SLMAP: variants seen among roughly 807,000 people sequenced by gnomAD.
The protein encoded by SLMAP is sarcolemma associated protein.
A neutral mutation model predicts 128.8 loss-of-function variants in SLMAP; 44 were observed. That is an observed-to-expected ratio of 0.34 (90% confidence interval 0.27 to 0.44). The LOEUF (loss-of-function observed/expected upper bound fraction) is 0.44. Among genes scored for constraint, SLMAP ranks in the 20% least tolerant of loss-of-function variants. The probability of loss-of-function intolerance (pLI) is 1.00; values close to 1 mark genes in which losing one functional copy is unlikely to be tolerated. For synonymous variants in SLMAP, 327 were observed against 348.8 expected (o/e 0.94, Z 0.70); for missense variants, 787 against 985.3 (o/e 0.80, Z 2.69).
At chr3:57,880,454 C>A (rs149232129) in intron 14 of SLMAP, among the ~76,000 whole-genome samples, 99 of 152,226 alleles carry the variant, frequency 6.5e-4, no homozygotes, top group Non-Finnish European at 7.1e-4. Flanking sequence ...CCGCCCGCCT[C>A]AGCCTCCCAA....
chr3:57,911,521 A>T (rs1254034063), intron 19 of SLMAP, among the ~76,000 whole-genome samples: 2 of 152,208 alleles, frequency 1.3e-5, no homozygotes, highest in African/African-American at 2.4e-5. Context: ...AGGTATTTTT[A>T]AAAATCTATA....
intron 3 of SLMAP, among the ~76,000 whole-genome samples, chr3:57,838,279 T>G (rs969336311): frequency 6.6e-6 from 1 of 152,228 alleles, no homozygotes; most frequent in Non-Finnish European, 1.5e-5. Flanking sequence ...AGCCATCCTC[T>G]AGAAACTCAT....
intron 23 of SLMAP, among the ~76,000 whole-genome samples, chr3:57,924,461 C>T (rs996540533): frequency 3.3e-5 from 5 of 151,922 alleles, no homozygotes; most frequent in African/African-American, 1.2e-4. Flanking sequence ...ATCCACCTCC[C>T]GGGTTCAAGC....
intron 4 of SLMAP, among the ~76,000 whole-genome samples, chr3:57,845,598 T>C (rs1042999133): frequency 1.3e-5 from 2 of 152,140 alleles, no homozygotes; most frequent in Admixed American, 6.5e-5. Flanking sequence ...GTGGAGTGAT[T>C]AGCAGCTGGT....
rs114335735 is a variant in SLMAP at position 57,917,324 on chromosome 3, T to C, written c.2310+247T>C. ...CTACATTTTAATTTTTCTCTACCAG[T>C]TACTTATATGAGAAATCCTTTGTAC... is the stretch of plus-strand genomic sequence containing the variant. On this transcript the variant is annotated intron_variant, in intron 22 of 24. Transcript: ENST00000671191. The C allele has an allele frequency of 5.6e-5, 50 of 894,090 alleles. No homozygotes were observed. The African/African-American group carries it at 8.0e-4, about 14-fold the overall frequency. 55.4% of individuals were successfully genotyped at this position (894,090 alleles called of 1,614,324 possible). A position where few individuals can be genotyped will look rare whatever the true frequency, so the allele number is the denominator to read the frequency against.
chr3:57,929,674 A>G lies in SLMAP; in HGVS notation c.*2385A>G, dbSNP rs1339144497. On this transcript the variant is annotated 3_prime_UTR_variant, in exon 25 of 25. Coordinates refer to ENST00000671191, the MANE Select transcript of SLMAP (RefSeq NM_001377540.1). ...CATTTAAGAATTATTCAAAGGTGCTACATGGCAGGGTTAGAGAATAAAAAG... is the reference window on the plus strand; with the variant it reads ...CATTTAAGAATTATTCAAAGGTGCTGCATGGCAGGGTTAGAGAATAAAAAG... 6.6e-6 allele frequency among the ~76,000 whole-genome samples: 1 copy of G among 152,260 alleles called. No individual in the cohort carries two copies. The highest frequency in any genetic ancestry group is 1.5e-5 in the Non-Finnish European group (1 of 68,046).
At chr3:57,769,517 G>T (rs1183598899) in intron 2 of SLMAP, among the ~76,000 whole-genome samples, 1 of 151,946 alleles carries the variant, frequency 6.6e-6, no homozygotes, top group African/African-American at 2.4e-5. Flanking sequence ...AAGACACAAG[G>T]TCTCACTATG....
intron 2 of SLMAP, among the ~76,000 whole-genome samples, chr3:57,817,524 G>A (rs1416025751): frequency 6.6e-6 from 1 of 152,194 alleles, no homozygotes; most frequent in Non-Finnish European, 1.5e-5. Context: ...AAGGCATTTT[G>A]TTTAGGATTG....
intron 8 of SLMAP, among the ~76,000 whole-genome samples, chr3:57,858,388 A>C (rs567551016): frequency 3.3e-5 from 5 of 152,152 alleles, no homozygotes; most frequent in Non-Finnish European, 7.4e-5. Flanking sequence ...TTCTTGAAAA[A>C]ACTGGGTCAT....
At chr3:57,903,581 G>T (rs982561314) in intron 17 of SLMAP, among the ~76,000 whole-genome samples, 1 of 152,180 alleles carries the variant, frequency 6.6e-6, no homozygotes, top group Non-Finnish European at 1.5e-5. Flanking sequence ...GATATTTGGT[G>T]ATGCCAAATT....
At chr3:57,848,442 G>A (rs542927725) in intron 5 of SLMAP, among the ~76,000 whole-genome samples, 8 of 115,836 alleles carry the variant, frequency 6.9e-5, no homozygotes, top group South Asian at 2.8e-4. Context: ...TTTCTTCTTC[G>A]TCCTTCTTCC....
intron 5 of SLMAP, 47 bp downstream of exon 5, chr3:57,847,280 C>T (rs1265764910): frequency 2.8e-6 from 4 of 1,436,692 alleles, no homozygotes; most frequent in South Asian, 1.2e-5. Flanking sequence ...AGCTATGTTG[C>T]TTTGAAAATG....
At chr3:57,919,210 G>A (rs374871504) in intron 22 of SLMAP, among the ~76,000 whole-genome samples, 25 of 152,054 alleles carry the variant, frequency 1.6e-4, no homozygotes, top group East Asian at 3.9e-4. Context: ...ATGAAACCCC[G>A]TCTATACTAA....
chr3:57,794,403 A>G (rs988612291), intron 2 of SLMAP, among the ~76,000 whole-genome samples: 1 of 152,204 alleles, frequency 6.6e-6, no homozygotes, highest in African/African-American at 2.4e-5. Context: ...ACTTATAAGC[A>G]CTTCGTTTCA....
At chr3:57,852,400 CA>C (rs2094540207) in intron 6 of SLMAP, among the ~76,000 whole-genome samples, 1 of 152,092 alleles carries the variant, frequency 6.6e-6, no homozygotes, top group African/African-American at 2.4e-5. Context: ...TATTCTAAGC[CA>C]AAATTCCCTC....
rs145284137 is a variant in SLMAP, at chr3:57,774,727, T to C, written c.198+16878T>C. On this transcript the variant is annotated intron_variant, in intron 2 of 24. Coordinates refer to ENST00000671191, the MANE Select transcript of SLMAP (RefSeq NM_001377540.1). ...TTTAGTAGAGACTGGGCTTTCATCA[T>C]GTTGGCCAGGCTGGTCTTGAACTCC... 5.3e-5 allele frequency among the ~76,000 whole-genome samples: 8 copies of C among 152,170 alleles called. No individual in the cohort carries two copies. In the East Asian group the frequency reaches 1.4e-3, roughly 26 times the overall value.
chr3:57,863,892 C>T (rs2095207228), intron 10 of SLMAP, among the ~76,000 whole-genome samples: 2 of 152,130 alleles, frequency 1.3e-5, no homozygotes, highest in African/African-American at 4.8e-5. Context: ...AGAATGTTAA[C>T]ATGATAGAAC....
chr3:57,844,711 C>CTTTTTTTTTTTTTTTTTTTTTTTTTTTTT (rs35011644), intron 4 of SLMAP, among the ~76,000 whole-genome samples: 1 of 92,280 alleles, frequency 1.1e-5, no homozygotes, highest in African/African-American at 4.1e-5. Context: ...TCTATTTAGA[C>CTTTTTTTTTTTTTTTTTTTTTTTTTTTTT]TTTTTTTTTT....
At chr3:57,851,536 A>C (rs2094501844) in intron 6 of SLMAP, among the ~76,000 whole-genome samples, 1 of 150,492 alleles carries the variant, frequency 6.6e-6, no homozygotes, top group Non-Finnish European at 1.5e-5. Flanking sequence ...GCACTGGCGC[A>C]ATCTAGGCTC....
Sources: gnomAD v4.1 joint callset for allele counts (sites outside exome capture counted in the v4.1 genomes callset) on GRCh38, gnomAD v4.1.1 for gene constraint, MANE v1.5 for transcripts, NCBI Gene and HGNC (gene_info 2026-07-23, HGNC 2026-07-21) for gene names.